Variants in RYR2 observed in about 807,000 individuals in gnomAD.
The protein encoded by RYR2 is cardiac muscle ryanodine receptor-calcium release channel.
RYR2 carries 227 observed loss-of-function variants against 601.1 expected under a neutral mutation model. That is an observed-to-expected ratio of 0.38 (90% CI 0.34 to 0.42). The LOEUF is 0.42. Ranked by LOEUF, RYR2 falls within the 10% of genes least tolerant of loss-of-function variation. RYR2 has a pLI of 1.00. For synonymous variants in RYR2, 2,223 were observed against 2,175.1 expected, an observed-to-expected ratio of 1.02 and a Z score of -0.61; for missense variants, 4,646 against 6,156.5, an observed-to-expected ratio of 0.75 and a Z score of 8.21.
chr1:237,713,214 T>C (rs963508929), intron 71 of RYR2, among the ~76,000 whole-genome samples: 2 of 152,080 alleles, frequency 1.3e-5, no homozygotes, highest in Non-Finnish European at 2.9e-5. Context: ...TCAAAGATAC[T>C]CTCAAAGCAC....
intron 1 of RYR2, among the ~76,000 whole-genome samples, chr1:237,170,854 T>C (rs1677282229): frequency 6.6e-6 from 1 of 151,968 alleles, no homozygotes; most frequent in Admixed American, 6.6e-5. Context: ...TCTGTTTAGG[T>C]GTCGGTGGAG....
At chr1:237,052,863 A>G (rs1369977989) in intron 1 of RYR2, among the ~76,000 whole-genome samples, 1 of 151,908 alleles carries the variant, frequency 6.6e-6, no homozygotes, top group Non-Finnish European at 1.5e-5. Context: ...TTATTTATTT[A>G]TTTTTAGACA....
At chr1:237,383,569 G>A (rs575139632) in intron 8 of RYR2, among the ~76,000 whole-genome samples, 2 of 151,104 alleles carry the variant, frequency 1.3e-5, no homozygotes, top group Admixed American at 1.3e-4. Flanking sequence ...AGCTGGGACT[G>A]TAGGTGCCTG....
intron 74 of RYR2, among the ~76,000 whole-genome samples, chr1:237,724,618 A>G (rs1690049455): frequency 6.6e-6 from 1 of 152,036 alleles, no homozygotes; most frequent in South Asian, 2.1e-4. Flanking sequence ...TTCATGAAAT[A>G]TTAAATAAAT....
At chr1:237,801,959 A>G in intron 98 of RYR2, 43 bp downstream of exon 98, 1 of 1,221,782 alleles carries the variant, frequency 8.2e-7, no homozygotes, top group Non-Finnish European at 1.2e-6. Context: ...CACTCTGATT[A>G]GATAAGACTG....
Position 237,042,369 on chromosome 1 carries a change from AG to A in RYR2, c.-151del. ...GTCCGCGCCTCCTCCTCCGCTCTGC[AG>A]GCGGGGACCGCCCGGCGCTCGGCAC... On this transcript the variant is annotated 5_prime_UTR_variant, in exon 1 of 105. Coordinates refer to ENST00000366574, the MANE Select transcript of RYR2 (RefSeq NM_001035.3). The A allele has an allele frequency of 1.5e-6, 1 of 654,796 alleles. No homozygotes were observed. The highest frequency in any genetic ancestry group is 5.0e-5 in the Admixed American group (1 of 20,132). 40.6% of individuals were successfully genotyped at this position (654,796 alleles called of 1,614,324 possible).
chr1:237,093,913 G>T (rs573211527), intron 1 of RYR2, among the ~76,000 whole-genome samples: 1 of 152,186 alleles, frequency 6.6e-6, no homozygotes, highest in Non-Finnish European at 1.5e-5. Context: ...GTGGTGCAGC[G>T]CAGGCTGTGG....
At chr1:237,671,719 C>T (rs945766572) in intron 58 of RYR2, among the ~76,000 whole-genome samples, 12 of 151,980 alleles carry the variant, frequency 7.9e-5, no homozygotes, top group African/African-American at 2.7e-4. Context: ...TTGCCTTAGT[C>T]ATCTGATCCT....
At chr1:237,293,484 G>A (rs1386389231) in intron 2 of RYR2, among the ~76,000 whole-genome samples, 2 of 152,154 alleles carry the variant, frequency 1.3e-5, no homozygotes, top group East Asian at 3.9e-4. Flanking sequence ...TGAGATTACA[G>A]GTGTGAGCCA....
chr1:237,760,188 A>T (rs999192616), intron 83 of RYR2, among the ~76,000 whole-genome samples: 1 of 149,750 alleles, frequency 6.7e-6, no homozygotes, highest in Non-Finnish European at 1.5e-5. Context: ...CTACAAAAAG[A>T]TTAAAAAAAA....
At chr1:237,606,267 A>G (rs1462048152) in intron 35 of RYR2, among the ~76,000 whole-genome samples, 1 of 152,184 alleles carries the variant, frequency 6.6e-6, no homozygotes, top group Non-Finnish European at 1.5e-5. Flanking sequence ...AACACCACAC[A>G]TCTACAACCA....
rs528830913 is a variant in RYR2 at position 237,221,045 on chromosome 1, G to A, written c.49-49452G>A. On this transcript the variant is annotated intron_variant, in intron 1 of 104. Transcript: ENST00000366574. Reference sequence around the variant, plus strand: ...CTGGAGGTGGAGTTTGCAGTGAGCCGAGATCGCGCCACTGCACTCCAGCCT... The same window carrying A: ...CTGGAGGTGGAGTTTGCAGTGAGCCAAGATCGCGCCACTGCACTCCAGCCT... Among the ~76,000 whole-genome samples the A allele has an allele frequency of 5.3e-5, 8 of 152,122 alleles. No homozygotes were observed. In the East Asian group the frequency reaches 1.2e-3, roughly 22 times the overall value.
intron 25 of RYR2, among the ~76,000 whole-genome samples, chr1:237,533,347 T>C (rs751218818): frequency 5.9e-5 from 9 of 152,166 alleles, no homozygotes; most frequent in Non-Finnish European, 1.2e-4. Context: ...TGCAAGCAAT[T>C]TGGCATCATT....
chr1:237,684,770 C>CATATATATATATAT (rs796412616), intron 62 of RYR2, among the ~76,000 whole-genome samples: 5 of 35,964 alleles, frequency 1.4e-4, no homozygotes, highest in African/African-American at 4.1e-4. Flanking sequence ...ATTATCTGAA[C>CATATATATATATAT]ACATATATAT....
intron 25 of RYR2, among the ~76,000 whole-genome samples, chr1:237,536,571 C>T (rs898169184): frequency 2.6e-5 from 4 of 152,234 alleles, no homozygotes; most frequent in East Asian, 1.9e-4. Flanking sequence ...AAAAATTAGC[C>T]GGGCGTGGTG....
At chr1:237,327,828 T>A (rs1313906222) in intron 2 of RYR2, among the ~76,000 whole-genome samples, 5 of 152,198 alleles carry the variant, frequency 3.3e-5, no homozygotes, top group African/African-American at 9.7e-5. Flanking sequence ...GTATAATTAT[T>A]ATCCAATTTT....
intron 1 of RYR2, among the ~76,000 whole-genome samples, chr1:237,222,231 G>C (rs1471807419): frequency 1.3e-5 from 2 of 151,996 alleles, no homozygotes; most frequent in East Asian, 3.9e-4. Flanking sequence ...TGGCTAACAC[G>C]GTGAAACCCC....
chr1:237,173,872 T>C (rs959483781), intron 1 of RYR2, among the ~76,000 whole-genome samples: 8 of 152,060 alleles, frequency 5.3e-5, no homozygotes, highest in South Asian at 2.1e-4. Context: ...CTGGCTAACA[T>C]GGTGAAGCCC....
chr1:237,184,002 A>G (rs1406846879), intron 1 of RYR2, among the ~76,000 whole-genome samples: 4 of 152,220 alleles, frequency 2.6e-5, no homozygotes, highest in South Asian at 2.1e-4. Flanking sequence ...TCCAAACACC[A>G]TAAGATCTTG....
Sources: gnomAD v4.1 joint callset for allele counts (sites outside exome capture counted in the v4.1 genomes callset) on GRCh38, gnomAD v4.1.1 for gene constraint, MANE v1.5 for transcripts, NCBI Gene and HGNC (gene_info 2026-07-23, HGNC 2026-07-21) for gene names.